Variants in PPIP5K1 observed in about 807,000 individuals in gnomAD.
PPIP5K1 encodes the protein inositol hexakisphosphate and diphosphoinositol-pentakisphosphate kinase 1.
A neutral mutation model predicts 27.7 loss-of-function variants in PPIP5K1; 6 were observed. The observed-to-expected ratio is 0.22, with a 90% CI of 0.12 to 0.43. The LOEUF is 0.43. Ranked by LOEUF, PPIP5K1 falls within the 20% of genes least tolerant of loss-of-function variation. The probability of loss-of-function intolerance (pLI) is 1.00; values close to 1 mark genes in which losing one functional copy is unlikely to be tolerated. For missense variants in PPIP5K1, 394 were observed against 635.4 expected (o/e 0.62, Z 4.08); for synonymous variants, 145 against 242.6 (o/e 0.60, Z 3.74).
rs2079673893 is a variant in PPIP5K1, at chr15:43,535,216, C to A, written c.3931G>T (p.Val1311Phe). The A allele has an allele frequency of 1.2e-6, 2 of 1,614,006 alleles. No homozygotes were observed. Among genetic ancestry groups the A allele is most frequent in the Admixed American group, 3.3e-5 (2 of 60,004 alleles). The part of the protein sequence containing the change: ...PMETSQPYEE[V>F]SQPCQEVPDI... ...GGGACCTCCTGACATGGCTGGCTGA[C>A]CTCCTCGTATGGCTGGCTGGTTTCC... Residue 1311 changes from valine to phenylalanine, a missense_variant, in exon 32 of 32, where the codon GTC (valine) becomes TTC (phenylalanine). By Grantham distance (50) the Val-to-Phe change is conservative. Around this residue, in one of 4 missense-constraint regions of PPIP5K1, gnomAD observed 379 missense variants for 423.9 expected, o/e 0.89. Coordinates refer to ENST00000420765, the MANE Select transcript of PPIP5K1 (RefSeq NM_001394395.1).
At chr15:43,539,417 A>G (rs1443546684) in intron 31 of PPIP5K1, 53 bp downstream of exon 31, 5 of 1,309,268 alleles carry the variant, frequency 3.8e-6, no homozygotes, top group Non-Finnish European at 5.4e-6. Context: ...TCATTCACCA[A>G]TCACTCCAGT....
At chr15:43,538,483 G>A (rs547423545) in intron 31 of PPIP5K1, among the ~76,000 whole-genome samples, 1 of 152,360 alleles carries the variant, frequency 6.6e-6, no homozygotes, top group African/African-American at 2.4e-5. Context: ...GAAGGGTTAT[G>A]TAGAAATAAG....
chr15:43,545,580 T>G (rs139954055), intron 30 of PPIP5K1, among the ~76,000 whole-genome samples: 1,757 of 151,756 alleles, frequency 0.012, 38 homozygotes, highest in African/African-American at 0.04. Flanking sequence ...TGGGCTCCAG[T>G]GATCCTTCTG....
intron 30 of PPIP5K1, among the ~76,000 whole-genome samples, chr15:43,553,951 TTACTAATATTC>T (rs2082590626): frequency 2.0e-5 from 3 of 152,154 alleles, no homozygotes; most frequent in Non-Finnish European, 4.4e-5. Flanking sequence ...GGCCACTTCC[TTACTAATATTC>T]CGACGAGTTG....
At chr15:43,557,161 T>C (rs2083071796) in intron 30 of PPIP5K1, among the ~76,000 whole-genome samples, 1 of 152,166 alleles carries the variant, frequency 6.6e-6, no homozygotes, top group African/African-American at 2.4e-5. Flanking sequence ...GAAAAGTCTT[T>C]CTGGCTGGGT....
In PPIP5K1 at chr15:43,549,046, A is replaced by AT. The variant is rs1292977165; in HGVS notation, c.3557-9464_3557-9463insA. Among the ~76,000 whole-genome samples the AT allele has an allele frequency of 1.8e-4, 15 of 84,600 alleles. No individual in the cohort carries two copies. The South Asian group carries it at 4.7e-3, about 27-fold the overall frequency. 55.5% of individuals were successfully genotyped at this position (84,600 alleles called of 152,430 possible). A position where few individuals can be genotyped will look rare whatever the true frequency, so the allele number is the denominator to read the frequency against. ...CCATCTCAAAAAAAAAAAAAAAAAA[A>AT]AAAAAAAAAAATATATATATATATA... On this transcript the variant is annotated intron_variant, in intron 30 of 31. Coordinates refer to ENST00000420765, the MANE Select transcript of PPIP5K1 (RefSeq NM_001394395.1).
At position 43,543,120 on chromosome 15, in the gene PPIP5K1, T is replaced by C. The variant is rs1169440578; in HGVS notation, c.3557-3537A>G. 2.6e-5 allele frequency among the ~76,000 whole-genome samples: 4 copies of C among 151,880 alleles called. No individual in the cohort carries two copies. The East Asian group carries it at 7.8e-4, about 29-fold the overall frequency. On this transcript the variant is annotated intron_variant, in intron 30 of 31. Coordinates refer to ENST00000420765, the MANE Select transcript of PPIP5K1 (RefSeq NM_001394395.1). ...CCTCAGCCATGCATTCCAAACAAAA[T>C]TGGTTCTTGGTGGGGGTAACAAAAT...
At chr15:43,541,331 T>G (rs983442988) in intron 30 of PPIP5K1, among the ~76,000 whole-genome samples, 6 of 152,170 alleles carry the variant, frequency 3.9e-5, no homozygotes, top group Non-Finnish European at 8.8e-5. Context: ...TAGGCTGATC[T>G]TGAACTCCTG....
Position 43,535,169 on chromosome 15 carries a change from C to G in PPIP5K1, c.3978G>C (p.Gln1326His). The change falls in exon 32 of 32, where the codon CAG becomes CAC. Residue 1326 changes from glutamine to histidine, a missense_variant. Coordinates refer to ENST00000420765, the MANE Select transcript of PPIP5K1 (RefSeq NM_001394395.1). ...GCTGGCTGAGCGCCTCAGAAATGTC[C>G]TGGCATGGCTGGCTGATGTCAGGGA... ...QEVPDISQPC[Q>H]DISEALSQPC... is the part of the protein sequence containing the mutation. The G allele has an allele frequency of 6.2e-7, 1 of 1,613,554 alleles. No homozygotes were observed. The highest frequency in any genetic ancestry group is 1.1e-5 in the South Asian group (1 of 91,036).
chr15:43,545,872 CTCTA>C (rs2081310435), intron 30 of PPIP5K1, among the ~76,000 whole-genome samples: 1 of 152,148 alleles, frequency 6.6e-6, no homozygotes, highest in Non-Finnish European at 1.5e-5. Context: ...CAACCACCAC[CTCTA>C]TCTAGTTCCA....
intron 30 of PPIP5K1, among the ~76,000 whole-genome samples, chr15:43,543,247 T>A (rs755322904): frequency 2.4e-4 from 29 of 121,162 alleles, no homozygotes; most frequent in Non-Finnish European, 3.2e-4. Flanking sequence ...GGAAAAAAAA[T>A]TCTAAACAAA....
chr15:43,543,340 C>T (rs1051547101), intron 30 of PPIP5K1, among the ~76,000 whole-genome samples: 1 of 151,510 alleles, frequency 6.6e-6, no homozygotes, highest in Non-Finnish European at 1.5e-5. Context: ...GGGTGCAGCA[C>T]ACCAGCGTGG....
chr15:43,535,080 G>C lies in PPIP5K1; in HGVS notation c.4067C>G (p.Thr1356Arg), dbSNP rs2079648808. The change falls in exon 32 of 32, where the codon ACA (threonine) becomes AGA (arginine). Residue 1356 changes from threonine to arginine, a missense_variant. By Grantham distance (71) the Thr-to-Arg change is moderately conservative. This residue lies in a region of PPIP5K1 where 379 missense variants were observed against 423.9 expected (regional missense o/e 0.89). Transcript: ENST00000420765. ...GCTGATGTGAGGGACCTCCTGGCAT[G>C]TGTGGTTACCATTGTCATGGTTCTC... ...CQENHDNGNH[T>R]CQEVPHISQP... 2 of 1,614,074 alleles carry C rather than the reference G, an allele frequency of 1.2e-6. No individual in the cohort carries two copies. Among genetic ancestry groups the C allele is most frequent in the East Asian group, 4.5e-5 (2 of 44,878 alleles).
intron 30 of PPIP5K1, 84 bp from the exon 31 acceptor site, chr15:43,539,667 G>T: frequency 1.2e-6 from 1 of 840,028 alleles, no homozygotes. Context: ...CTCAACATAA[G>T]TCAAAGCCAA....
chr15:43,539,434 G>T, intron 31 of PPIP5K1, 36 bp downstream of exon 31: 2 of 1,424,100 alleles, frequency 1.4e-6, no homozygotes, highest in South Asian at 2.4e-5. Context: ...CAGTCTTCAT[G>T]ACTTTTGTCT....
chr15:43,549,441 A>T (rs1381510006), intron 30 of PPIP5K1, among the ~76,000 whole-genome samples: 1 of 152,078 alleles, frequency 6.6e-6, no homozygotes, highest in Non-Finnish European at 1.5e-5. Flanking sequence ...AGGTGGCAGG[A>T]TCACTTGAAG....
chr15:43,557,304 A>G (rs1309850826), intron 30 of PPIP5K1, among the ~76,000 whole-genome samples: 1 of 152,060 alleles, frequency 6.6e-6, no homozygotes, highest in African/African-American at 2.4e-5. Flanking sequence ...AAAATTAGCC[A>G]GGCATGGTGG....
chr15:43,558,472 C>T (rs965977636), intron 30 of PPIP5K1, among the ~76,000 whole-genome samples: 1 of 152,076 alleles, frequency 6.6e-6, no homozygotes, highest in Admixed American at 6.6e-5. Flanking sequence ...GTGATCCACC[C>T]GCCTAGCCCT....
chr15:43,536,918 G>A (rs1156348388), intron 31 of PPIP5K1, among the ~76,000 whole-genome samples: 1 of 152,046 alleles, frequency 6.6e-6, no homozygotes, highest in Non-Finnish European at 1.5e-5. Flanking sequence ...GACAGATTCT[G>A]GGAAAAGGGA....
Sources: gnomAD v4.1 joint callset for allele counts (sites outside exome capture counted in the v4.1 genomes callset) on GRCh38, gnomAD v4.1.1 for gene constraint, gnomAD v4.1.1 regional missense constraint, MANE v1.5 for transcripts, NCBI Gene and HGNC (gene_info 2026-07-23, HGNC 2026-07-21) for gene names.